PTPRQ: variants seen among roughly 807,000 people sequenced by gnomAD.
The protein encoded by PTPRQ is phosphatidylinositol phosphatase PTPRQ.
Under a neutral mutation model 246.0 loss-of-function variants are expected in PTPRQ, and 199 were observed. That is an observed-to-expected ratio of 0.81 (90% confidence interval 0.72 to 0.91). PTPRQ has a LOEUF of 0.91. Ranked by LOEUF, PTPRQ falls within the 40% of genes least tolerant of loss-of-function variation. PTPRQ has a pLI of 0.00. For synonymous variants in PTPRQ, 869 were observed against 853.2 expected, an observed-to-expected ratio of 1.02 and a Z score of -0.32; for missense variants, 2,624 against 2,528.4, an observed-to-expected ratio of 1.04 and a Z score of -0.81.
chr12:80,504,154 G>A (rs956310559), intron 14 of PTPRQ, among the ~76,000 whole-genome samples: 8 of 151,334 alleles, frequency 5.3e-5, no homozygotes, highest in East Asian at 1.9e-4. Flanking sequence ...GACCCCCTCC[G>A]GATATCATCT....
intron 29 of PTPRQ, among the ~76,000 whole-genome samples, chr12:80,615,649 G>T (rs1898725810): frequency 6.6e-6 from 1 of 151,024 alleles, no homozygotes; most frequent in Non-Finnish European, 1.5e-5. Context: ...GGGCATAAAG[G>T]CCATCTTTCA....
At position 80,609,792 on chromosome 12, in the gene PTPRQ, G is replaced by A. The variant is rs1366588071; in HGVS notation, c.4732-647G>A. 5.3e-5 allele frequency among the ~76,000 whole-genome samples: 8 copies of A among 150,608 alleles called. No homozygotes were observed. In the East Asian group the frequency reaches 1.6e-3, roughly 29 times the overall value. On this transcript the variant is annotated intron_variant, in intron 27 of 44. Coordinates refer to ENST00000644991, the MANE Select transcript of PTPRQ (RefSeq NM_001145026.2). ...TAAAAAGAGCAGAAAATATCAAAGT[G>A]TACTTCAGAAAGATGGTGTATTTCT...
Position 80,664,996 on chromosome 12 carries a change from C to G in PTPRQ, c.6193-4011C>G, listed in dbSNP as rs113647337. On this transcript the variant is annotated intron_variant, in intron 39 of 44. Coordinates refer to ENST00000644991, the MANE Select transcript of PTPRQ (RefSeq NM_001145026.2). ...CAGGATAGATGTATATATGAAGGGG[C>G]GTTTATTAAGGAGTGTTGACTCACA... 9.9e-5 allele frequency among the ~76,000 whole-genome samples: 15 copies of G among 151,856 alleles called. No individual in the cohort carries two copies. The South Asian group carries it at 2.5e-3, about 25-fold the overall frequency.
intron 17 of PTPRQ, among the ~76,000 whole-genome samples, chr12:80,521,629 C>T: frequency 6.6e-6 from 1 of 152,074 alleles, no homozygotes; most frequent in Non-Finnish European, 1.5e-5. Context: ...AATCCTTTCC[C>T]CATTGCTTTT....
chr12:80,467,562 G>T (rs1001678686), intron 6 of PTPRQ, among the ~76,000 whole-genome samples: 1 of 152,160 alleles, frequency 6.6e-6, no homozygotes, highest in Non-Finnish European at 1.5e-5. Context: ...GCACACATAT[G>T]TTTATTGCGG....
At chr12:80,593,366 G>A (rs1411778059) in intron 26 of PTPRQ, among the ~76,000 whole-genome samples, 1 of 152,048 alleles carries the variant, frequency 6.6e-6, no homozygotes, top group Non-Finnish European at 1.5e-5. Flanking sequence ...AACTATCTGA[G>A]CCCATAACAA....
At chr12:80,592,953 A>G (rs1369275341) in intron 26 of PTPRQ, among the ~76,000 whole-genome samples, 1 of 152,074 alleles carries the variant, frequency 6.6e-6, no homozygotes, top group African/African-American at 2.4e-5. Flanking sequence ...GGAGCTTGCA[A>G]TGAGCCAAGA....
rs1017171328 is a variant in PTPRQ, at chr12:80,616,280, C to G, written c.5230+14C>G. The G allele has an allele frequency of 1.9e-5, 28 of 1,460,758 alleles. No individual in the cohort carries two copies. The highest frequency in any genetic ancestry group is 2.2e-5 in the Non-Finnish European group (24 of 1,104,312). The allele number at this position is 1,460,758 out of a possible 1,614,324, so 90.5% of individuals were successfully genotyped here. ...TGGATATCAAAGGTACATACATGAG[C>G]TACCTTCCTATGAAATGCTATTAAT... On this transcript the variant is annotated intron_variant, in intron 30 of 44. Coordinates refer to ENST00000644991, the MANE Select transcript of PTPRQ (RefSeq NM_001145026.2).
At chr12:80,455,917 A>G (rs1220759094) in intron 3 of PTPRQ, among the ~76,000 whole-genome samples, 1 of 152,120 alleles carries the variant, frequency 6.6e-6, no homozygotes, top group African/African-American at 2.4e-5. Context: ...CATAGTTAAT[A>G]TGTAAAATTT....
At chr12:80,512,602 A>G (rs1032043259) in intron 17 of PTPRQ, 4 of 152,250 alleles carry the variant, frequency 2.6e-5, no homozygotes, top group Non-Finnish European at 5.9e-5. Context: ...GATGTCATAT[A>G]GAACATGACC....
intron 25 of PTPRQ, among the ~76,000 whole-genome samples, chr12:80,576,211 G>A (rs574253010): frequency 1.3e-5 from 2 of 151,822 alleles, no homozygotes; most frequent in Admixed American, 6.6e-5. Flanking sequence ...GCACAATCTC[G>A]GCTCACTGCA....
chr12:80,652,672 CT>C, intron 37 of PTPRQ, 71 bp from the exon 38 acceptor site: 1 of 1,378,490 alleles, frequency 7.3e-7, no homozygotes, highest in Non-Finnish European at 9.5e-7. Context: ...GGACAAATAA[CT>C]GTCTTTTAAT....
chr12:80,554,745 C>G lies in PTPRQ; in HGVS notation c.4285+5011C>G, dbSNP rs138312307. ...TATTCAATTTAATTATCATCATCAT[C>G]ATCATCATCATTTTAGAGACAATAT... is the stretch of plus-strand genomic sequence containing the variant. On this transcript the variant is annotated intron_variant, in intron 25 of 44. Transcript: ENST00000644991. Among the ~76,000 whole-genome samples, 121 of 152,132 alleles carry G rather than the reference C, an allele frequency of 8.0e-4. 1 individual carries two copies. The highest frequency in any genetic ancestry group is 2.7e-3 in the African/African-American group (112 of 41,494).
At chr12:80,571,872 G>T (rs935262858) in intron 25 of PTPRQ, among the ~76,000 whole-genome samples, 12 of 151,872 alleles carry the variant, frequency 7.9e-5, no homozygotes, top group African/African-American at 2.9e-4. Flanking sequence ...TTATTCCATT[G>T]ATTTATTTAT....
chr12:80,650,247 T>C (rs1900213641), intron 37 of PTPRQ, among the ~76,000 whole-genome samples: 1 of 151,920 alleles, frequency 6.6e-6, no homozygotes, highest in Admixed American at 6.6e-5. Flanking sequence ...GAATAAATGC[T>C]GTATCATATA....
At position 80,444,881 on chromosome 12, in the gene PTPRQ, A is replaced by G. The variant is rs1327133872; in HGVS notation, c.163+32A>G. 2.7e-6 allele frequency: 4 copies of G among 1,481,252 alleles called. No homozygotes were observed. The East Asian group carries it at 1.1e-4, about 40-fold the overall frequency. The allele number at this position is 1,481,252 out of a possible 1,614,324, so 91.8% of individuals were successfully genotyped here. A position where few individuals can be genotyped will look rare whatever the true frequency, so the allele number is the denominator to read the frequency against. On this transcript the variant is annotated intron_variant, in intron 2 of 44. Transcript: ENST00000644991. ...ATATGTTTTAAATTACTTTGTAAGT[A>G]AAGTATTTGGAGTCAGTATAATTCT...
chr12:80,455,235 T>C (rs1892937692), intron 3 of PTPRQ, among the ~76,000 whole-genome samples: 1 of 152,202 alleles, frequency 6.6e-6, no homozygotes, highest in Non-Finnish European at 1.5e-5. Context: ...TTGTACTTTA[T>C]AAAGTGTCTT....
chr12:80,656,516 G>T lies in PTPRQ; in HGVS notation c.6116-1469G>T, dbSNP rs1900438989. ...AACCCATCAAAACAATTAAGTAGTG[G>T]ATATTTCATGTTTAGTTAAAAATCA... On this transcript the variant is annotated intron_variant, in intron 38 of 44. Coordinates refer to ENST00000644991, the MANE Select transcript of PTPRQ (RefSeq NM_001145026.2). Among the ~76,000 whole-genome samples, 5 of 152,130 alleles carry T rather than the reference G, an allele frequency of 3.3e-5. No individual in the cohort carries two copies. In the South Asian group the frequency reaches 1.0e-3, roughly 32 times the overall value.
intron 29 of PTPRQ, among the ~76,000 whole-genome samples, chr12:80,614,966 T>A (rs1384145276): frequency 6.6e-6 from 1 of 151,008 alleles, no homozygotes; most frequent in Non-Finnish European, 1.5e-5. Context: ...ATTTGCAGTA[T>A]CCTTAAAACC....
Sources: gnomAD v4.1 joint callset for allele counts (sites outside exome capture counted in the v4.1 genomes callset) on GRCh38, gnomAD v4.1.1 for gene constraint, MANE v1.5 for transcripts, NCBI Gene and HGNC (gene_info 2026-07-23, HGNC 2026-07-21) for gene names.